Variants in CLIP2 observed in about 807,000 individuals in gnomAD.
The protein encoded by CLIP2 is CAP-Gly domain-containing linker protein 2.
A neutral mutation model predicts 111.7 loss-of-function variants in CLIP2; 41 were observed. The observed-to-expected ratio is 0.37, with a 90% CI of 0.29 to 0.48. CLIP2 has a LOEUF of 0.48. CLIP2 is among the 20% of genes least tolerant of loss of function. The pLI is 0.99. For synonymous variants in CLIP2, 660 were observed against 644.2 expected (o/e 1.02, Z -0.37); for missense variants, 1,160 against 1,422.1 (o/e 0.82, Z 2.96).
At chr7:74,393,808 CAG>C (rs1791363122) in intron 13 of CLIP2, among the ~76,000 whole-genome samples, 1 of 152,200 alleles carries the variant, frequency 6.6e-6, no homozygotes, top group Non-Finnish European at 1.5e-5. Context: ...AGGAAGGAAA[CAG>C]ATGCGATGAG....
chr7:74,350,744 G>A (rs1020670928), intron 3 of CLIP2, among the ~76,000 whole-genome samples: 1 of 151,882 alleles, frequency 6.6e-6, no homozygotes, highest in Non-Finnish European at 1.5e-5. Context: ...GGTGTGTTCT[G>A]TAATCTCAGC....
At chr7:74,292,457 GC>G (rs1425746752) in intron 1 of CLIP2, among the ~76,000 whole-genome samples, 2 of 152,094 alleles carry the variant, frequency 1.3e-5, no homozygotes, top group Non-Finnish European at 2.9e-5. Context: ...TGCCACCTCG[GC>G]TCACTGCAAC....
intron 1 of CLIP2, among the ~76,000 whole-genome samples, chr7:74,296,256 C>A (rs1340833845): frequency 6.6e-6 from 1 of 152,144 alleles, no homozygotes; most frequent in South Asian, 2.1e-4. Flanking sequence ...CGTCTGTAAT[C>A]CCAACACTTT....
At chr7:74,353,817 C>G in intron 3 of CLIP2, 63 bp from the exon 4 acceptor site, 1 of 1,608,690 alleles carries the variant, frequency 6.2e-7, no homozygotes, top group Non-Finnish European at 8.5e-7. Flanking sequence ...GGGCTGGGTG[C>G]CCCTGCCATC....
At chr7:74,397,499 G>T (rs980082262) in intron 14 of CLIP2, among the ~76,000 whole-genome samples, 1 of 151,988 alleles carries the variant, frequency 6.6e-6, no homozygotes, top group Non-Finnish European at 1.5e-5. Context: ...CCAGAGGCAG[G>T]ATGAGCCAAT....
At chr7:74,383,326 CT>C (rs1270087996) in intron 11 of CLIP2, among the ~76,000 whole-genome samples, 1 of 152,028 alleles carries the variant, frequency 6.6e-6, no homozygotes, top group East Asian at 1.9e-4. Flanking sequence ...AATTACTAAC[CT>C]TATTGTCCTT....
chr7:74,369,292 A>C (rs1790541746), intron 8 of CLIP2, among the ~76,000 whole-genome samples: 1 of 152,116 alleles, frequency 6.6e-6, no homozygotes, highest in Non-Finnish European at 1.5e-5. Flanking sequence ...CGGAGGTTGC[A>C]GTGAAACAAG....
intron 6 of CLIP2, among the ~76,000 whole-genome samples, chr7:74,359,333 G>T (rs1584358237): frequency 4.9e-5 from 6 of 123,108 alleles, no homozygotes; most frequent in Admixed American, 1.7e-4. Context: ...ATGTATGACT[G>T]TCTACATTTC....
At chr7:74,397,333 G>T in intron 14 of CLIP2, 100 bp downstream of exon 14, 1 of 1,219,716 alleles carries the variant, frequency 8.2e-7, no homozygotes, top group South Asian at 1.4e-5. Flanking sequence ...CTCCTGGAAT[G>T]ACCCCAGGGA....
intron 4 of CLIP2, 118 bp downstream of exon 4, chr7:74,354,122 T>G (rs1281056783): frequency 2.4e-6 from 3 of 1,270,358 alleles, no homozygotes; most frequent in Non-Finnish European, 3.3e-6. Context: ...TCAGACACCA[T>G]AAGTCCTTTC....
Position 74,317,575 on chromosome 7 carries a change from C to G in CLIP2, c.29C>G (p.Pro10Arg), listed in dbSNP as rs782736918. The change falls in exon 2 of 17, where the codon CCC becomes CGC. Residue 10 changes from proline (P) to arginine (R), a missense_variant. By Grantham distance (103) the Pro-to-Arg change is moderately radical (BLOSUM62 -2). This residue lies in a region of CLIP2 where 301 missense variants were observed against 315.2 expected (regional missense o/e 0.96). Transcript: ENST00000223398. The stretch of plus-strand genomic sequence containing the variant: ...CAGAAGCCCAGCGGCCTGAAGCCCC[C>G]CGGCCGTGGGGGGAAGCACTCCAGC... MQKPSGLKPPGRGGKHSSPM... is the reference protein window; with the variant it reads MQKPSGLKPRGRGGKHSSPM... The G allele has an allele frequency of 5.4e-6, 8 of 1,486,848 alleles. No individual in the cohort carries two copies. Among genetic ancestry groups the G allele is most frequent in the Non-Finnish European group, 7.2e-6 (8 of 1,111,376 alleles). 92.1% of individuals were successfully genotyped at this position (1,486,848 alleles called of 1,614,324 possible).
At position 74,404,855 on chromosome 7, in the gene CLIP2, G is replaced by A. The variant is rs1347495142; in HGVS notation, c.*1007G>A. The A allele has an allele frequency of 5.3e-5, 8 of 152,226 alleles. No homozygotes were observed. Among genetic ancestry groups the A allele is most frequent in the African/African-American group, 1.9e-4 (8 of 41,408 alleles). 9.4% of individuals were successfully genotyped at this position (152,226 alleles called of 1,614,324 possible). A position where few individuals can be genotyped will look rare whatever the true frequency, so the allele number is the denominator to read the frequency against. On this transcript the variant is annotated 3_prime_UTR_variant, in exon 17 of 17. Transcript: ENST00000223398. ...CCGTGTGGGTGGCGGCGTTTGCTGT[G>A]AACCACGCTCAGGCCACACAGAGAC...
At chr7:74,374,160 A>G (rs1790712927) in intron 9 of CLIP2, among the ~76,000 whole-genome samples, 1 of 152,212 alleles carries the variant, frequency 6.6e-6, no homozygotes, top group South Asian at 2.1e-4. Context: ...AGCACCCCAT[A>G]AACAGTATGT....
At chr7:74,296,372 T>C (rs1584300367) in intron 1 of CLIP2, among the ~76,000 whole-genome samples, 1 of 151,864 alleles carries the variant, frequency 6.6e-6, no homozygotes, top group Admixed American at 6.6e-5. Context: ...TAGCCAGATG[T>C]AGTGGCATGC....
chr7:74,361,592 A>G (rs1790333109), intron 7 of CLIP2, among the ~76,000 whole-genome samples: 1 of 152,114 alleles, frequency 6.6e-6, no homozygotes, highest in Non-Finnish European at 1.5e-5. Context: ...GCCATGGCTC[A>G]CTGCAGCCTC....
rs1053873209 is a variant in CLIP2, at chr7:74,376,413, A to G, written c.2012A>G (p.His671Arg). 1.2e-6 allele frequency: 2 copies of G among 1,614,082 alleles called. No individual in the cohort carries two copies. Among genetic ancestry groups the G allele is most frequent in the South Asian group, 1.1e-5 (1 of 91,084 alleles). Residue 671 changes from histidine to arginine, a missense_variant, in exon 10 of 17, where the codon CAT becomes CGT. His to Arg is a conservative substitution (Grantham distance 29). Transcript: ENST00000223398. The surrounding 1 kb of genome is among the most constrained non-coding windows in gnomAD (Gnocchi z 7.1). ...QLELGNLQAKHDLETAMHVKE... is the reference protein window; with the variant it reads ...QLELGNLQAKRDLETAMHVKE... ...GAGCTGGGTAACTTGCAGGCCAAGC[A>G]TGACCTGGAGACCGCCATGCACGTG...
At chr7:74,307,595 A>T (rs1317824991) in intron 1 of CLIP2, among the ~76,000 whole-genome samples, 1 of 152,080 alleles carries the variant, frequency 6.6e-6, no homozygotes, top group Non-Finnish European at 1.5e-5. Context: ...GGTTCAAGTG[A>T]TTCTCCTGCC....
chr7:74,398,838 A>T (rs1037936500), intron 14 of CLIP2, among the ~76,000 whole-genome samples: 3 of 152,138 alleles, frequency 2.0e-5, no homozygotes, highest in African/African-American at 7.2e-5. Context: ...GTTGGCACGG[A>T]CTGGGGAGTC....
chr7:74,401,112 G>T (rs189416119), intron 15 of CLIP2, among the ~76,000 whole-genome samples: 1 of 152,070 alleles, frequency 6.6e-6, no homozygotes, highest in Admixed American at 6.6e-5. Flanking sequence ...TGAAGGGGGA[G>T]GCAGCTCTGT....
Sources: gnomAD v4.1 joint callset for allele counts (sites outside exome capture counted in the v4.1 genomes callset) on GRCh38, gnomAD v4.1.1 for gene constraint, gnomAD v4.1.1 regional missense constraint, Gnocchi (gnomAD v3.1) non-coding constraint, MANE v1.5 for transcripts, NCBI Gene and HGNC (gene_info 2026-07-23, HGNC 2026-07-21) for gene names.